Variants in VPS4A observed in about 807,000 individuals in gnomAD.
The protein encoded by VPS4A is vacuolar protein sorting-associated protein 4A.
In VPS4A, 20 loss-of-function variants were observed where a neutral mutation model predicts 52.3. The ratio of observed to expected loss-of-function variants is 0.38; its 90% CI spans 0.27 to 0.56. The LOEUF (loss-of-function observed/expected upper bound fraction) is 0.56, where lower values mean the gene tolerates loss of function less well. Ranked by LOEUF, VPS4A falls within the 20% of genes least tolerant of loss-of-function variation. VPS4A has a pLI of 0.72. For missense variants in VPS4A, 419 were observed against 575.9 expected (o/e 0.73, Z 2.79); for synonymous variants, 293 against 227.7 (o/e 1.29, Z -2.58).
intron 9 of VPS4A, chr16:69,322,017 C>T (rs759959010): frequency 6.4e-6 from 1 of 156,318 alleles, no homozygotes; most frequent in Non-Finnish European, 1.4e-5. Flanking sequence ...TTTAATTGGC[C>T]TTACAGTTCC....
Position 69,321,166 on chromosome 16 carries a change from G to A in VPS4A, c.967G>A (p.Ala323Thr). 1 of 1,580,410 alleles carries A rather than the reference G, an allele frequency of 6.3e-7. No individual in the cohort carries two copies. The highest frequency in any genetic ancestry group is 8.6e-7 in the Non-Finnish European group (1 of 1,163,764). Residue 323 changes from alanine to threonine, a missense_variant, in exon 9 of 11, where the codon GCC becomes ACC. Around this residue, in one of 3 missense-constraint regions of VPS4A, gnomAD observed 185 missense variants for 200.2 expected, o/e 0.92. Transcript: ENST00000254950. This position sits in a 1 kb window ranked among gnomAD's most constrained non-coding sequence, Gnocchi z 4.5. ...CACGGATGCAAACATCCACGAGCTG[G>A]CCCGGAAGACGGAAGGCTACTCGGG... ...NLTDANIHEL[A>T]RKTEGYSGAD...
intron 10 of VPS4A, chr16:69,323,452 G>A: frequency 5.9e-6 from 2 of 337,552 alleles, no homozygotes; most frequent in South Asian, 4.4e-5. Context: ...ACCACACCTA[G>A]CCTGCATTTT....
In VPS4A at chr16:69,320,237, T is replaced by C; in HGVS notation, c.717T>C (p.Asn239=). Residue 239 remains asparagine (N), a synonymous_variant, in exon 7 of 11, where the codon AAT becomes AAC. Coordinates refer to ENST00000254950, the MANE Select transcript of VPS4A (RefSeq NM_013245.3). This position sits in a 1 kb window ranked among gnomAD's most constrained non-coding sequence, Gnocchi z 4.2. ...CCCTCTGCGGGTCCCGAAATGAAAATGAGAGTGAGGCCGCCCGGAGGATCA... is the reference window on the plus strand; with the variant it reads ...CCCTCTGCGGGTCCCGAAATGAAAACGAGAGTGAGGCCGCCCGGAGGATCA... ...VDSLCGSRNE[N]ESEAARRIKT... is the part of the protein sequence containing the mutation. 6.2e-7 allele frequency: 1 copy of C among 1,613,596 alleles called. No individual in the cohort carries two copies. The highest frequency in any genetic ancestry group is 8.5e-7 in the Non-Finnish European group (1 of 1,179,638).
chr16:69,319,856 G>C (rs932680699), intron 6 of VPS4A, among the ~76,000 whole-genome samples: 1 of 152,196 alleles, frequency 6.6e-6, no homozygotes, highest in Non-Finnish European at 1.5e-5. Context: ...CCTGTTTTGC[G>C]TGTGATGAGA....
intron 3 of VPS4A, among the ~76,000 whole-genome samples, chr16:69,317,912 G>C (rs1437189687): frequency 2.2e-5 from 3 of 138,976 alleles, no homozygotes; most frequent in Non-Finnish European, 4.5e-5. Context: ...AGTGAGCTGA[G>C]ATGGAGATTG....
At chr16:69,315,876 A>T (rs35815622) in intron 1 of VPS4A, 132 bp from the exon 2 acceptor site, 116,398 of 727,696 alleles carry the variant, frequency 0.16, 10,344 homozygotes, top group Middle Eastern at 0.24. Flanking sequence ...AAGTAGGCCA[A>T]TGAAATGGCC....
In VPS4A at chr16:69,324,482, A is replaced by G. The variant is rs1423225787; in HGVS notation, c.*173A>G. The G allele has an allele frequency of 4.5e-6, 3 of 673,790 alleles. No homozygotes were observed. In the African/African-American group the frequency reaches 5.4e-5, roughly 12 times the overall value. 41.7% of individuals were successfully genotyped at this position (673,790 alleles called of 1,614,324 possible). A position where few individuals can be genotyped will look rare whatever the true frequency, so the allele number is the denominator to read the frequency against. On this transcript the variant is annotated 3_prime_UTR_variant, in exon 11 of 11. Transcript: ENST00000254950. ...AGAAGGAAGGGCCTTGCAGCCACAG[A>G]GACACTCCACTGCCCTGGGGCACAC...
Position 69,321,047 on chromosome 16 carries a change from C to T in VPS4A, c.852-4C>T. 1 of 1,575,548 alleles carries T rather than the reference C, an allele frequency of 6.3e-7. No individual in the cohort carries two copies. The highest frequency in any genetic ancestry group is 8.6e-7 in the Non-Finnish European group (1 of 1,160,164). On this transcript the variant is annotated splice_region_variant and splice_polypyrimidine_tract_variant and intron_variant, in intron 8 of 10. Transcript: ENST00000254950. The surrounding 1 kb of genome is among the most constrained non-coding windows in gnomAD (Gnocchi z 4.5). ...CAACTCCTGCCGTGTGCTGGGCTCT[C>T]TAGGTTTGAAAAACGAATTTATATC...
intron 1 of VPS4A, among the ~76,000 whole-genome samples, chr16:69,313,688 CTGTCTACAGCTGCTTT>C (rs1266749293): frequency 5.3e-5 from 8 of 152,290 alleles, no homozygotes; most frequent in Admixed American, 5.2e-4. Flanking sequence ...TATTGATATA[CTGTCTACAGCTGCTTT>C]TGTGCCATCA....
In VPS4A at chr16:69,320,497, C is replaced by A; in HGVS notation, c.770-191C>A. 1.2e-6 allele frequency: 1 copy of A among 811,850 alleles called. No homozygotes were observed. Among genetic ancestry groups the A allele is most frequent in the Non-Finnish European group, 1.9e-6 (1 of 521,790 alleles). 50.3% of individuals were successfully genotyped at this position (811,850 alleles called of 1,614,324 possible). On this transcript the variant is annotated intron_variant, in intron 7 of 10. Coordinates refer to ENST00000254950, the MANE Select transcript of VPS4A (RefSeq NM_013245.3). This position sits in a 1 kb window ranked among gnomAD's most constrained non-coding sequence, Gnocchi z 4.2. The stretch of plus-strand genomic sequence containing the variant: ...GCCACTCCACCCCTCCCATGGCAGG[C>A]AGTGCCATAGGTCTCACCTGGCACA...
chr16:69,324,134 C>T (rs1597215727), intron 10 of VPS4A, 74 bp from the exon 11 acceptor site: 1 of 1,465,254 alleles, frequency 6.8e-7, no homozygotes, highest in East Asian at 2.4e-5. Context: ...CTCAGCTGCG[C>T]CTGTTGTGTG....
intron 1 of VPS4A, 107 bp downstream of exon 1, chr16:69,311,639 G>T (rs1424146651): frequency 5.3e-6 from 6 of 1,124,736 alleles, no homozygotes; most frequent in Non-Finnish European, 6.7e-6. Flanking sequence ...CCCAGCCCCG[G>T]CCTCGCGACC....
intron 10 of VPS4A, 145 bp from the exon 11 acceptor site, chr16:69,324,063 C>T (rs1330431307): frequency 1.4e-6 from 1 of 703,552 alleles, no homozygotes; most frequent in Non-Finnish European, 2.3e-6. Context: ...AAGAGGGTCC[C>T]TGCCATAGGC....
chr16:69,320,737 C>A lies in VPS4A; in HGVS notation c.819C>A (p.Ile273=). Residue 273 remains isoleucine, a synonymous_variant, in exon 8 of 11, where the codon ATC becomes ATA. Coordinates refer to ENST00000254950, the MANE Select transcript of VPS4A (RefSeq NM_013245.3). This position sits in a 1 kb window ranked among gnomAD's most constrained non-coding sequence, Gnocchi z 4.2. ...CTCTGGTTCTTGGAGCCACAAACAT[C>A]CCATGGGTGTTGGATTCGGCCATCA... ...DGTLVLGATN[I]PWVLDSAIRR... The A allele has an allele frequency of 6.2e-7, 1 of 1,609,084 alleles. No homozygotes were observed. The highest frequency in any genetic ancestry group is 1.7e-4 in the Middle Eastern group (1 of 6,058).
In VPS4A at chr16:69,324,815, T is replaced by G. The variant is rs1471331978; in HGVS notation, c.*506T>G. On this transcript the variant is annotated 3_prime_UTR_variant, in exon 11 of 11. Transcript: ENST00000254950. Reference sequence around the variant, plus strand: ...GCCCCTGCAACCCCAGCCCAAGCTCTGCCTCAAAGACCGAGTGACATAAGC... The same window carrying G: ...GCCCCTGCAACCCCAGCCCAAGCTCGGCCTCAAAGACCGAGTGACATAAGC... The G allele has an allele frequency of 5.5e-6, 1 of 180,300 alleles. No individual in the cohort carries two copies. The highest frequency in any genetic ancestry group is 2.3e-5 in the African/African-American group (1 of 42,818). The allele number at this position is 180,300 out of a possible 1,614,324, so 11.2% of individuals were successfully genotyped here.
chr16:69,323,960 A>AAAAAG (rs1965549686), intron 10 of VPS4A, among the ~76,000 whole-genome samples: 1 of 151,106 alleles, frequency 6.6e-6, no homozygotes, highest in African/African-American at 2.5e-5. Flanking sequence ...AAAAAAAAAA[A>AAAAAG]AAAAAGAAAG....
In VPS4A at chr16:69,320,072, G is replaced by A; in HGVS notation, c.621-69G>A. The A allele has an allele frequency of 6.5e-7, 1 of 1,531,876 alleles. No individual in the cohort carries two copies. Among genetic ancestry groups the A allele is most frequent in the Non-Finnish European group, 8.8e-7 (1 of 1,131,210 alleles). 94.9% of individuals were successfully genotyped at this position (1,531,876 alleles called of 1,614,324 possible). A position where few individuals can be genotyped will look rare whatever the true frequency, so the allele number is the denominator to read the frequency against. ...TCCCTGTGGGAAGGGTGAGAAGAGG[G>A]AAGTGCCGGGAGCCCAGGCGGGCAC... On this transcript the variant is annotated intron_variant, in intron 6 of 10. Coordinates refer to ENST00000254950, the MANE Select transcript of VPS4A (RefSeq NM_013245.3). This position sits in a 1 kb window ranked among gnomAD's most constrained non-coding sequence, Gnocchi z 4.2.
chr16:69,320,192 C>T lies in VPS4A; in HGVS notation c.672C>T (p.Ile224=), dbSNP rs1354009112. 1 of 1,613,966 alleles carries T rather than the reference C, an allele frequency of 6.2e-7. No individual in the cohort carries two copies. The highest frequency in any genetic ancestry group is 8.5e-7 in the Non-Finnish European group (1 of 1,179,860). The change falls in exon 7 of 11, where the codon ATC becomes ATT. Residue 224 remains isoleucine (I), a synonymous_variant. Transcript: ENST00000254950. This position sits in a 1 kb window ranked among gnomAD's most constrained non-coding sequence, Gnocchi z 4.2. ...ELARQHKPSI[I]FIDEVDSLCG... The stretch of plus-strand genomic sequence containing the variant: ...CCAGGCAGCACAAGCCCTCCATCAT[C>T]TTCATCGATGAGGTGGATTCCCTCT...
chr16:69,319,874 G>A (rs537205871), intron 6 of VPS4A, among the ~76,000 whole-genome samples: 7 of 152,284 alleles, frequency 4.6e-5, no homozygotes, highest in South Asian at 2.1e-4. Flanking sequence ...AGACGGGCTC[G>A]GAAGAAGGGG....
Sources: gnomAD v4.1 joint callset for allele counts (sites outside exome capture counted in the v4.1 genomes callset) on GRCh38, gnomAD v4.1.1 for gene constraint, gnomAD v4.1.1 regional missense constraint, Gnocchi (gnomAD v3.1) non-coding constraint, MANE v1.5 for transcripts, NCBI Gene and HGNC (gene_info 2026-07-23, HGNC 2026-07-21) for gene names.